The following LOC128125817 variants were observed in gnomAD, a reference collection of about 807,000 sequenced individuals.
At chr1:41,628,351 T>C in the LOC128125817 span, among the ~76,000 whole-genome samples, 2 of 152,166 alleles carry the variant, frequency 1.3e-5, no homozygotes, top group East Asian at 1.9e-4. Flanking sequence ...AGAACCATTA[T>C]GTAGGAGAAG....
At chr1:41,621,024 TG>T in the LOC128125817 span, among the ~76,000 whole-genome samples, 18 of 152,236 alleles carry the variant, frequency 1.2e-4, no homozygotes, top group African/African-American at 3.6e-4. Flanking sequence ...AGTGTGACCC[TG>T]GGCAAGTCAC....
chr1:41,617,150 A>G, the LOC128125817 span, among the ~76,000 whole-genome samples: 1 of 152,156 alleles, frequency 6.6e-6, no homozygotes, highest in African/African-American at 2.4e-5. Flanking sequence ...TGGATGGAAT[A>G]CCTTTAAATT....
chr1:41,610,859 G>A, the LOC128125817 span, among the ~76,000 whole-genome samples: 1 of 152,292 alleles, frequency 6.6e-6, no homozygotes, highest in South Asian at 2.1e-4. Context: ...TGCCTGAGGG[G>A]AGCAGTCATC....
the LOC128125817 span, among the ~76,000 whole-genome samples, chr1:41,603,906 G>A: frequency 6.4e-4 from 98 of 152,256 alleles, no homozygotes; most frequent in African/African-American, 1.8e-3. Context: ...TATTCTATCC[G>A]TTATTAAAAG....
chr1:41,605,672 A>C, the LOC128125817 span, among the ~76,000 whole-genome samples: 2 of 151,994 alleles, frequency 1.3e-5, no homozygotes, highest in Non-Finnish European at 2.9e-5. Flanking sequence ...GGCTTTAGAG[A>C]TACACACACT....
the LOC128125817 span, among the ~76,000 whole-genome samples, chr1:41,590,343 G>C: frequency 6.6e-6 from 1 of 152,318 alleles, no homozygotes; most frequent in African/African-American, 2.4e-5. Context: ...CCCCAAGCTG[G>C]GTCTATGGCC....
chr1:41,610,653 C>T, the LOC128125817 span, among the ~76,000 whole-genome samples: 1 of 152,208 alleles, frequency 6.6e-6, no homozygotes, highest in Non-Finnish European at 1.5e-5. Flanking sequence ...GAGAGGACCC[C>T]ACAGGCCATG....
the LOC128125817 span, among the ~76,000 whole-genome samples, chr1:41,627,111 G>A: frequency 6.6e-6 from 1 of 152,226 alleles, no homozygotes; most frequent in Non-Finnish European, 1.5e-5. Context: ...GGGGCCAGAG[G>A]GCAGGGCATG....
At chr1:41,588,724 C>A in the LOC128125817 span, among the ~76,000 whole-genome samples, 18 of 152,154 alleles carry the variant, frequency 1.2e-4, no homozygotes, top group Non-Finnish European at 2.6e-4. Context: ...GCTGCCAGGG[C>A]GCAGAGTGAG....
chr1:41,600,361 T>C, the LOC128125817 span, among the ~76,000 whole-genome samples: 1 of 152,244 alleles, frequency 6.6e-6, no homozygotes, highest in Non-Finnish European at 1.5e-5. Flanking sequence ...ATTCATGTTG[T>C]AGCATGTGTC....
chr1:41,617,633 A>G, the LOC128125817 span, among the ~76,000 whole-genome samples: 2 of 152,246 alleles, frequency 1.3e-5, no homozygotes, highest in Non-Finnish European at 2.9e-5. Flanking sequence ...AGGGACATTG[A>G]CAGTGCACAG....
At chr1:41,586,389 T>C in the LOC128125817 span, among the ~76,000 whole-genome samples, 3 of 152,188 alleles carry the variant, frequency 2.0e-5, no homozygotes, top group African/African-American at 7.2e-5. Context: ...TTACTGAAGG[T>C]CCCGTGTTGC....
chr1:41,622,434 T>C, the LOC128125817 span, among the ~76,000 whole-genome samples: 2 of 152,122 alleles, frequency 1.3e-5, no homozygotes, highest in Non-Finnish European at 2.9e-5. Context: ...CAGGCTGAAC[T>C]GGGAATGCTG....
the LOC128125817 span, among the ~76,000 whole-genome samples, chr1:41,598,377 T>C: frequency 6.6e-6 from 1 of 152,328 alleles, no homozygotes; most frequent in African/African-American, 2.4e-5. Flanking sequence ...TTGTGTCTAC[T>C]ATGGAGAGCA....
At chr1:41,592,340 G>A in the LOC128125817 span, among the ~76,000 whole-genome samples, 1 of 152,172 alleles carries the variant, frequency 6.6e-6, no homozygotes, top group Non-Finnish European at 1.5e-5. Context: ...AAATTGGGCT[G>A]AATGATCTCA....
chr1:41,627,084 C>T, the LOC128125817 span, among the ~76,000 whole-genome samples: 2 of 152,220 alleles, frequency 1.3e-5, no homozygotes, highest in Non-Finnish European at 2.9e-5. Context: ...TCAGCCTGAC[C>T]TCAGGGACAC....
chr1:41,598,728 G>A, the LOC128125817 span, among the ~76,000 whole-genome samples: 1 of 152,088 alleles, frequency 6.6e-6, no homozygotes, highest in African/African-American at 2.4e-5. Context: ...GTATAGTATC[G>A]ATACAAAGAG....
the LOC128125817 span, among the ~76,000 whole-genome samples, chr1:41,620,566 C>T: frequency 2.0e-5 from 3 of 152,282 alleles, no homozygotes; most frequent in Non-Finnish European, 4.4e-5. Flanking sequence ...TCTCTCTGCA[C>T]TGCTCACCTT....
At chr1:41,594,427 C>T in the LOC128125817 span, among the ~76,000 whole-genome samples, 1 of 151,908 alleles carries the variant, frequency 6.6e-6, no homozygotes, top group Non-Finnish European at 1.5e-5. Context: ...TTCACCATGG[C>T]GGCCAGACTG....
Sources: gnomAD v4.1 joint callset for allele counts (sites outside exome capture counted in the v4.1 genomes callset) on GRCh38, gnomAD v4.1.1 for gene constraint, MANE v1.5 for transcripts.